GLIS1: variants seen among roughly 807,000 people sequenced by gnomAD.
The protein encoded by GLIS1 is GLIS family zinc finger 1.
A neutral mutation model predicts 63.8 loss-of-function variants in GLIS1; 24 were observed. That is an observed-to-expected ratio of 0.38 (90% CI 0.27 to 0.53). GLIS1 has a LOEUF of 0.53. Among genes scored for constraint, GLIS1 ranks in the 20% least tolerant of loss-of-function variants. The pLI, the probability that GLIS1 is intolerant of heterozygous loss-of-function variation, is 0.85. For missense variants in GLIS1, 1,036 were observed against 1,074.1 expected (o/e 0.96, Z 0.50); for synonymous variants, 450 against 482.5 (o/e 0.93, Z 0.88).
At chr1:53,530,495 G>A (rs977065724) in intron 4 of GLIS1, among the ~76,000 whole-genome samples, 1 of 152,190 alleles carries the variant, frequency 6.6e-6, no homozygotes, top group Non-Finnish European at 1.5e-5. Flanking sequence ...ATGTCATGGG[G>A]TTTGTCCGTC....
At position 53,560,124 on chromosome 1, in the gene GLIS1, A is replaced by C. The variant is rs1325396750; in HGVS notation, c.1321-30172T>G. On this transcript the variant is annotated intron_variant, in intron 4 of 10. Coordinates refer to ENST00000628545, the MANE Select transcript of GLIS1 (RefSeq NM_001367484.1). This position sits in a 1 kb window ranked among gnomAD's most constrained non-coding sequence, Gnocchi z 4.4. ...CACACACACAACATAAGGAATTTCT[A>C]ACCAGGACTCTGCTGTGGGCAGGGA... Among the ~76,000 whole-genome samples, 1 of 152,212 alleles carries C rather than the reference A, an allele frequency of 6.6e-6. No individual in the cohort carries two copies. The highest frequency in any genetic ancestry group is 6.5e-5 in the Admixed American group (1 of 15,288).
intron 4 of GLIS1, among the ~76,000 whole-genome samples, chr1:53,551,431 G>A (rs1311715535): frequency 6.6e-6 from 1 of 152,170 alleles, no homozygotes; most frequent in Admixed American, 6.5e-5. Context: ...ATAATTGCAG[G>A]GCAAGGGGGG....
At chr1:53,591,778 G>T (rs1645195019) in intron 4 of GLIS1, among the ~76,000 whole-genome samples, 1 of 152,208 alleles carries the variant, frequency 6.6e-6, no homozygotes, top group African/African-American at 2.4e-5. Context: ...CTAAACCCTG[G>T]AAGAGGCAAG....
rs1253425194 is a variant in GLIS1 at position 53,594,585 on chromosome 1, G to A, written c.843C>T (p.Ser281=). 3.8e-6 allele frequency: 6 copies of A among 1,592,400 alleles called. No homozygotes were observed. The African/African-American group carries it at 4.0e-5, about 11-fold the overall frequency. The change falls in exon 4 of 11, where the codon AGC becomes AGT. Residue 281 remains serine (S), a synonymous_variant. Transcript: ENST00000628545. The part of the protein sequence containing the change: ...SLVTCVNGLR[S]PPLTGDLGGP... ...CCCCCAGATCTCCCGTCAGAGGGGG[G>A]CTCCGGAGTCCATTTACACAGGTGA...
chr1:53,562,239 A>G (rs1466645827), intron 4 of GLIS1, among the ~76,000 whole-genome samples: 1 of 152,164 alleles, frequency 6.6e-6, no homozygotes, highest in Admixed American at 6.5e-5. Flanking sequence ...CTCTTCTTAC[A>G]AAGATGCTAC....
chr1:53,577,185 C>A (rs530863676), intron 4 of GLIS1, among the ~76,000 whole-genome samples: 1 of 151,844 alleles, frequency 6.6e-6, no homozygotes, highest in East Asian at 1.9e-4. Flanking sequence ...CCCTCTCCTG[C>A]CTTAGGAGCT....
chr1:53,582,086 A>G (rs1645090728), intron 4 of GLIS1, among the ~76,000 whole-genome samples: 1 of 152,184 alleles, frequency 6.6e-6, no homozygotes, highest in Non-Finnish European at 1.5e-5. Flanking sequence ...CACTGTCTCT[A>G]CTTAGACTGT....
chr1:53,553,289 C>T (rs1383541681), intron 4 of GLIS1, among the ~76,000 whole-genome samples: 8 of 152,192 alleles, frequency 5.3e-5, no homozygotes, highest in Admixed American at 1.3e-4. Context: ...TGCCCAGGTG[C>T]ACCCAGTCTT....
At chr1:53,579,102 A>G (rs1645060021) in intron 4 of GLIS1, among the ~76,000 whole-genome samples, 1 of 152,190 alleles carries the variant, frequency 6.6e-6, no homozygotes, top group South Asian at 2.1e-4. Flanking sequence ...AAATGTGTTA[A>G]TACATAATAT....
chr1:53,731,246 C>T (rs1337950406), intron 2 of GLIS1, among the ~76,000 whole-genome samples: 1 of 152,194 alleles, frequency 6.6e-6, no homozygotes, highest in East Asian at 1.9e-4. Flanking sequence ...ACCCCAGATT[C>T]CTGAGGATCC....
In GLIS1 at chr1:53,737,899, G is replaced by A; in HGVS notation, c.166C>T (p.Arg56Trp). 5.7e-6 allele frequency: 7 copies of A among 1,230,446 alleles called. No homozygotes were observed. Among genetic ancestry groups the A allele is most frequent in the Non-Finnish European group, 6.1e-6 (6 of 987,068 alleles). The allele number at this position is 1,230,446 out of a possible 1,614,324, so 76.2% of individuals were successfully genotyped here. The change falls in exon 2 of 11, where the codon CGG becomes TGG. Residue 56 changes from arginine to tryptophan, a missense_variant. Around this residue, in one of 3 missense-constraint regions of GLIS1, gnomAD observed 592 missense variants for 593.9 expected, o/e 1.00. Coordinates refer to ENST00000628545, the MANE Select transcript of GLIS1 (RefSeq NM_001367484.1). The part of the protein sequence containing the change: ...GDRGPRDLLA[R>W]PPAPPPRAHD... ...GCGCGCGGTGGCGGCGCAGGCGGCC[G>A]GGCTAGCAGGTCCCGCGGGCCCCTG...
At chr1:53,576,896 C>T (rs544003868) in intron 4 of GLIS1, among the ~76,000 whole-genome samples, 36 of 152,210 alleles carry the variant, frequency 2.4e-4, no homozygotes, top group Admixed American at 1.4e-3. Context: ...TTTTCTCCTC[C>T]AGCCCTTCTC....
intron 4 of GLIS1, among the ~76,000 whole-genome samples, chr1:53,548,532 C>A (rs551446343): frequency 3.8e-4 from 58 of 152,362 alleles, no homozygotes; most frequent in Admixed American, 1.2e-3. Flanking sequence ...ACCACTTTGT[C>A]ATGCTGCCTT....
At chr1:53,630,744 G>A (rs776415727) in intron 2 of GLIS1, among the ~76,000 whole-genome samples, 4 of 152,132 alleles carry the variant, frequency 2.6e-5, no homozygotes, top group African/African-American at 4.8e-5. Flanking sequence ...CAATCCACCC[G>A]CCTCGGCCTC....
intron 2 of GLIS1, among the ~76,000 whole-genome samples, chr1:53,661,506 A>G (rs984184225): frequency 3.9e-5 from 6 of 152,172 alleles, no homozygotes; most frequent in African/African-American, 1.2e-4. Context: ...GGTCTTCTAG[A>G]CTTCCCTAGA....
At chr1:53,655,831 G>A (rs1201227311) in intron 2 of GLIS1, among the ~76,000 whole-genome samples, 1 of 152,236 alleles carries the variant, frequency 6.6e-6, no homozygotes, top group Non-Finnish European at 1.5e-5. Context: ...CCCAACCTCA[G>A]GTTGAGGCAC....
At chr1:53,634,542 T>G (rs1228427560) in intron 2 of GLIS1, among the ~76,000 whole-genome samples, 2 of 152,044 alleles carry the variant, frequency 1.3e-5, no homozygotes, top group Non-Finnish European at 2.9e-5. Context: ...GGCCTGAGAA[T>G]TGCCCAATGT....
intron 7 of GLIS1, among the ~76,000 whole-genome samples, chr1:53,516,330 G>A (rs1644352532): frequency 6.6e-6 from 1 of 152,124 alleles, no homozygotes; most frequent in African/African-American, 2.4e-5. Flanking sequence ...GCTCATCCCA[G>A]GCTGGCCCCT....
chr1:53,722,410 T>G (rs958843514), intron 2 of GLIS1, among the ~76,000 whole-genome samples: 4 of 152,196 alleles, frequency 2.6e-5, no homozygotes, highest in African/African-American at 9.6e-5. Flanking sequence ...TTTGTTTGTA[T>G]TCACATAAAC....
Sources: allele counts gnomAD v4.1 joint callset (sites outside exome capture counted in the v4.1 genomes callset), GRCh38; gene constraint gnomAD v4.1.1; regional missense constraint gnomAD v4.1.1; non-coding constraint Gnocchi (gnomAD v3.1); transcripts MANE v1.5; gene names NCBI Gene and HGNC (gene_info 2026-07-23, HGNC 2026-07-21).